The following PHACTR1 variants were observed in gnomAD, a reference collection of about 807,000 sequenced individuals.
PHACTR1 encodes the protein phosphatase and actin regulator 1.
Under a neutral mutation model 69.2 loss-of-function variants are expected in PHACTR1, and 16 were observed. That is an observed-to-expected ratio of 0.23 (90% confidence interval 0.16 to 0.35). The LOEUF is 0.35. Among genes scored for constraint, PHACTR1 ranks in the 10% least tolerant of loss-of-function variants. PHACTR1 has a pLI of 1.00. For missense variants in PHACTR1, 510 were observed against 734.7 expected, an observed-to-expected ratio of 0.69 and a Z score of 3.54; for synonymous variants, 312 against 284.5, an observed-to-expected ratio of 1.10 and a Z score of -0.97.
intron 4 of PHACTR1, among the ~76,000 whole-genome samples, chr6:13,050,344 T>C (rs1805753710): frequency 6.6e-6 from 1 of 152,180 alleles, no homozygotes; most frequent in Non-Finnish European, 1.5e-5. Flanking sequence ...CTTCCTCCTT[T>C]AGCCTCCAGT....
intron 4 of PHACTR1, among the ~76,000 whole-genome samples, chr6:12,891,558 A>T (rs1457491169): frequency 6.6e-6 from 1 of 152,210 alleles, no homozygotes; most frequent in East Asian, 1.9e-4. Flanking sequence ...ACTCCAGGTT[A>T]CTTCTGGTTT....
intron 4 of PHACTR1, among the ~76,000 whole-genome samples, chr6:13,029,219 A>G (rs1561715502): frequency 6.6e-6 from 1 of 152,192 alleles, no homozygotes; most frequent in Non-Finnish European, 1.5e-5. Context: ...TTAAAATGAT[A>G]TGAATTTGAA....
intron 3 of PHACTR1, among the ~76,000 whole-genome samples, chr6:12,731,331 C>T (rs1486399353): frequency 1.2e-4 from 18 of 152,212 alleles, no homozygotes. Context: ...CTTTTTAAAA[C>T]CCATGCAGTA....
At chr6:12,729,926 G>C (rs908905534) in intron 3 of PHACTR1, among the ~76,000 whole-genome samples, 6 of 152,188 alleles carry the variant, frequency 3.9e-5, no homozygotes, top group Admixed American at 3.9e-4. Flanking sequence ...CTTCCCACAT[G>C]TTGTATTTGG....
chr6:13,224,304 T>C (rs575307259), intron 8 of PHACTR1, among the ~76,000 whole-genome samples: 2 of 152,326 alleles, frequency 1.3e-5, no homozygotes, highest in South Asian at 4.1e-4. Flanking sequence ...AGGCACTGAC[T>C]GAGACAAGTA....
chr6:13,015,884 A>T (rs1800107611), intron 4 of PHACTR1, among the ~76,000 whole-genome samples: 1 of 152,204 alleles, frequency 6.6e-6, no homozygotes, highest in Non-Finnish European at 1.5e-5. Flanking sequence ...CCCTCAAAGG[A>T]TTCTTAAATA....
At chr6:12,980,334 A>G (rs1347417901) in intron 4 of PHACTR1, among the ~76,000 whole-genome samples, 1 of 152,076 alleles carries the variant, frequency 6.6e-6, no homozygotes, top group Admixed American at 6.6e-5. Flanking sequence ...CCATCTGCCC[A>G]CTAGCCTTAA....
At chr6:13,226,899 A>G (rs1037866818) in intron 8 of PHACTR1, among the ~76,000 whole-genome samples, 3 of 151,968 alleles carry the variant, frequency 2.0e-5, no homozygotes, top group African/African-American at 7.3e-5. Context: ...CACCACACCC[A>G]GCTAATTTTT....
chr6:13,074,454 A>G (rs1166420825), intron 5 of PHACTR1, among the ~76,000 whole-genome samples: 2 of 152,168 alleles, frequency 1.3e-5, no homozygotes, highest in African/African-American at 2.4e-5. Flanking sequence ...TTGGAATACA[A>G]TGTGGCAAAA....
chr6:12,949,269 C>CAAAA lies in PHACTR1; in HGVS notation c.251-104081_251-104078dup, dbSNP rs201027793. On this transcript the variant is annotated intron_variant, in intron 4 of 14. Coordinates refer to ENST00000332995, the MANE Select transcript of PHACTR1 (RefSeq NM_030948.6). ...GGGCAACAAGAGCGAAACGTCATCTCAAAAAAAAAAAAAAAAAAGAAAGAA... is the reference window on the plus strand; with the variant it reads ...GGGCAACAAGAGCGAAACGTCATCTCAAAAAAAAAAAAAAAAAAAAAAGAAAGAA... 7.5e-3 allele frequency among the ~76,000 whole-genome samples: 419 copies of CAAAA among 55,988 alleles called. 3 individuals are homozygous for CAAAA. Among genetic ancestry groups the CAAAA allele is most frequent in the African/African-American group, 0.016 (396 of 24,428 alleles). The allele number at this position is 55,988 out of a possible 152,430, so 36.7% of individuals were successfully genotyped here.
At chr6:13,132,049 C>G (rs1416996245) in intron 5 of PHACTR1, among the ~76,000 whole-genome samples, 2 of 152,150 alleles carry the variant, frequency 1.3e-5, no homozygotes, top group African/African-American at 4.8e-5. Context: ...AAATAGTCAC[C>G]CACTCCATGA....
chr6:13,018,093 T>C (rs746660178), intron 4 of PHACTR1, among the ~76,000 whole-genome samples: 5 of 152,236 alleles, frequency 3.3e-5, no homozygotes, highest in Non-Finnish European at 5.9e-5. Flanking sequence ...ATGTGAACTT[T>C]AGGAATAACA....
At chr6:12,819,598 T>C (rs1010553175) in intron 4 of PHACTR1, among the ~76,000 whole-genome samples, 1 of 152,240 alleles carries the variant, frequency 6.6e-6, no homozygotes, top group Non-Finnish European at 1.5e-5. Flanking sequence ...GAAATATGAA[T>C]TCTTGTCTAT....
At chr6:12,846,438 G>C (rs190502922) in intron 4 of PHACTR1, among the ~76,000 whole-genome samples, 14 of 152,226 alleles carry the variant, frequency 9.2e-5, no homozygotes, top group Non-Finnish European at 2.1e-4. Context: ...TTTCCTTTCA[G>C]CATCTTAAGG....
At chr6:13,146,003 T>G (rs1319330274) in intron 5 of PHACTR1, among the ~76,000 whole-genome samples, 1 of 152,342 alleles carries the variant, frequency 6.6e-6, no homozygotes, top group East Asian at 1.9e-4. Context: ...CTTGACAAAC[T>G]GTGGGCCATA....
intron 6 of PHACTR1, among the ~76,000 whole-genome samples, chr6:13,177,437 A>ATG (rs1280063281): frequency 6.9e-6 from 1 of 144,830 alleles, no homozygotes; most frequent in African/African-American, 2.6e-5. Flanking sequence ...ATGTATGTGT[A>ATG]TATATGTGTG....
Position 12,907,185 on chromosome 6 carries a change from A to T in PHACTR1, c.251-146180A>T, listed in dbSNP as rs193024569. On this transcript the variant is annotated intron_variant, in intron 4 of 14. Transcript: ENST00000332995. ...ATGAACAATTGGCTTTTTCCGTTAC[A>T]TTACAAAATTCTCTTTGGTTAGTCA... Among the ~76,000 whole-genome samples the T allele has an allele frequency of 2.6e-5, 4 of 152,312 alleles. No homozygotes were observed. The East Asian group carries it at 5.8e-4, about 22-fold the overall frequency.
chr6:12,792,561 T>C (rs1772459409), intron 4 of PHACTR1, among the ~76,000 whole-genome samples: 1 of 144,556 alleles, frequency 6.9e-6, no homozygotes, highest in African/African-American at 2.5e-5. Context: ...AAAACTCAAA[T>C]GCAGTGCTAT....
intron 4 of PHACTR1, among the ~76,000 whole-genome samples, chr6:12,802,096 A>AAAGTAC (rs1773769263): frequency 1.4e-5 from 2 of 146,932 alleles, no homozygotes; most frequent in Admixed American, 1.4e-4. Context: ...TATATAAAAT[A>AAAGTAC]ATTTTATTTT....
Sources: gnomAD v4.1 joint callset for allele counts (sites outside exome capture counted in the v4.1 genomes callset) on GRCh38, gnomAD v4.1.1 for gene constraint, MANE v1.5 for transcripts, NCBI Gene and HGNC (gene_info 2026-07-23, HGNC 2026-07-21) for gene names.